Variants in MEIKIN observed in about 807,000 individuals in gnomAD.
The protein encoded by MEIKIN is meiosis-specific kinetochore protein.
chr5:131,831,729 T>C (rs1749718526), intron 11 of MEIKIN, among the ~76,000 whole-genome samples: 1 of 152,174 alleles, frequency 6.6e-6, no homozygotes, highest in Non-Finnish European at 1.5e-5. Context: ...GGACTTACAG[T>C]GCCACATGGC....
At chr5:131,818,952 T>A in intron 11 of MEIKIN, 89 bp from the exon 12 acceptor site, 1 of 388,932 alleles carries the variant, frequency 2.6e-6, no homozygotes, top group South Asian at 1.4e-4. Context: ...AGTCTTAATA[T>A]CTGTATTTCT....
intron 8 of MEIKIN, among the ~76,000 whole-genome samples, chr5:131,883,031 ATATT>A (rs1316601017): frequency 2.6e-5 from 4 of 152,160 alleles, no homozygotes; most frequent in Non-Finnish European, 5.9e-5. Context: ...TTGACGTTAT[ATATT>A]TATTTATCTG....
In MEIKIN at chr5:131,933,572, T is replaced by C; in HGVS notation, c.419A>G (p.Tyr140Cys). The C allele has an allele frequency of 2.5e-6, 1 of 398,952 alleles. No individual in the cohort carries two copies. Among genetic ancestry groups the C allele is most frequent in the Non-Finnish European group, 4.4e-6 (1 of 225,998 alleles). The allele number at this position is 398,952 out of a possible 1,614,324, so 24.7% of individuals were successfully genotyped here. Residue 140 changes from tyrosine to cysteine, a missense_variant, in exon 5 of 13, where the codon TAC becomes TGC. Tyr to Cys is a radical substitution (Grantham distance 194, BLOSUM62 -2). Transcript: ENST00000442687. ...SYSVTDSYAE[Y>C]KSFEESFPSP... ...TGGAAAGCTCTCTTCAAAACTCTTG[T>C]ATTCTGCATAAGAGTCTGTGACTGA...
intron 8 of MEIKIN, among the ~76,000 whole-genome samples, chr5:131,902,121 C>T (rs1751169004): frequency 6.6e-6 from 1 of 152,196 alleles, no homozygotes; most frequent in Non-Finnish European, 1.5e-5. Context: ...CCCTCTTTGC[C>T]TTCTGCCATG....
intron 8 of MEIKIN, among the ~76,000 whole-genome samples, chr5:131,909,633 T>C (rs1330523051): frequency 2.0e-5 from 3 of 151,918 alleles, no homozygotes; most frequent in Non-Finnish European, 2.9e-5. Context: ...TGACAACCCA[T>C]AGAATGGGGG....
At chr5:131,917,014 C>G (rs1020125457) in intron 6 of MEIKIN, 89 bp from the exon 7 acceptor site, 3 of 386,588 alleles carry the variant, frequency 7.8e-6, no homozygotes, top group Non-Finnish European at 9.1e-6. Flanking sequence ...AAGTGCAGTT[C>G]ATTTTTATAA....
chr5:131,833,655 C>T (rs1749752153), intron 11 of MEIKIN, among the ~76,000 whole-genome samples: 1 of 151,874 alleles, frequency 6.6e-6, no homozygotes, highest in African/African-American at 2.4e-5. Flanking sequence ...CCTGATAAAC[C>T]CATCAGATCT....
At chr5:131,852,890 G>T (rs1355105001) in intron 10 of MEIKIN, among the ~76,000 whole-genome samples, 1 of 151,760 alleles carries the variant, frequency 6.6e-6, no homozygotes, top group Non-Finnish European at 1.5e-5. Flanking sequence ...AATCATTTTG[G>T]TACATTTGTT....
intron 11 of MEIKIN, among the ~76,000 whole-genome samples, chr5:131,832,386 G>A: frequency 6.6e-6 from 1 of 152,010 alleles, no homozygotes; most frequent in Admixed American, 6.6e-5. Flanking sequence ...CATGGTCTTG[G>A]GCAGCTCCAC....
chr5:131,933,212 TA>T (rs1751718111), intron 5 of MEIKIN, among the ~76,000 whole-genome samples: 1 of 152,214 alleles, frequency 6.6e-6, no homozygotes, highest in African/African-American at 2.4e-5. Context: ...AAAAAAAAGA[TA>T]ACACATGGTT....
At chr5:131,935,435 A>G (rs1751761670) in intron 4 of MEIKIN, among the ~76,000 whole-genome samples, 1 of 152,218 alleles carries the variant, frequency 6.6e-6, no homozygotes, top group Non-Finnish European at 1.5e-5. Context: ...AGTGGACTAG[A>G]ATGAAGAACT....
intron 4 of MEIKIN, among the ~76,000 whole-genome samples, chr5:131,940,425 A>G (rs545114487): frequency 6.6e-6 from 1 of 152,048 alleles, no homozygotes; most frequent in Admixed American, 6.5e-5. Context: ...CAGGGACTAT[A>G]TTTTTTTTCA....
chr5:131,835,417 C>T (rs562264114), intron 11 of MEIKIN, among the ~76,000 whole-genome samples: 78 of 152,218 alleles, frequency 5.1e-4, no homozygotes, highest in South Asian at 1.4e-3. Context: ...CTTTTGGTGT[C>T]ATATCCAAGA....
chr5:131,937,692 A>C (rs190169305), intron 4 of MEIKIN, among the ~76,000 whole-genome samples: 1 of 152,200 alleles, frequency 6.6e-6, no homozygotes, highest in East Asian at 1.9e-4. Flanking sequence ...AGAATTCTGA[A>C]TACGTTTTTC....
At chr5:131,859,082 C>G (rs1204195681) in intron 9 of MEIKIN, among the ~76,000 whole-genome samples, 1 of 152,176 alleles carries the variant, frequency 6.6e-6, no homozygotes, top group Non-Finnish European at 1.5e-5. Context: ...TGGGTATATA[C>G]TCAAAGGAAT....
At chr5:131,866,836 G>T (rs548232595) in intron 9 of MEIKIN, among the ~76,000 whole-genome samples, 9 of 152,290 alleles carry the variant, frequency 5.9e-5, no homozygotes, top group African/African-American at 2.2e-4. Context: ...TTTGGCTAAA[G>T]AAGTGAAATT....
At chr5:131,943,145 C>T (rs1304642270) in intron 3 of MEIKIN, among the ~76,000 whole-genome samples, 1 of 151,966 alleles carries the variant, frequency 6.6e-6, no homozygotes, top group Non-Finnish European at 1.5e-5. Flanking sequence ...GTATAGCTAT[C>T]TTTAATATTT....
At chr5:131,942,240 T>C (rs941050676) in intron 4 of MEIKIN, among the ~76,000 whole-genome samples, 3 of 152,262 alleles carry the variant, frequency 2.0e-5, no homozygotes, top group Admixed American at 6.5e-5. Context: ...ACTGGCCTTC[T>C]TCAGTTACTC....
chr5:131,839,584 T>C (rs192707884), intron 11 of MEIKIN, among the ~76,000 whole-genome samples: 2 of 152,362 alleles, frequency 1.3e-5, no homozygotes, highest in African/African-American at 2.4e-5. Context: ...TCTTGTTGAA[T>C]TGAACCATTT....
Sources: gnomAD v4.1 joint callset for allele counts (sites outside exome capture counted in the v4.1 genomes callset) on GRCh38, gnomAD v4.1.1 for gene constraint, MANE v1.5 for transcripts, NCBI Gene and HGNC (gene_info 2026-07-23, HGNC 2026-07-21) for gene names.